Variants in USP10 observed in about 807,000 individuals in gnomAD.
The protein encoded by USP10 is ubiquitin specific peptidase 10.
USP10 carries 22 observed loss-of-function variants against 84.5 expected under a neutral mutation model. The observed-to-expected ratio is 0.26, with a 90% CI of 0.19 to 0.37. The LOEUF (loss-of-function observed/expected upper bound fraction) is 0.37, where lower values mean the gene tolerates loss of function less well. Ranked by LOEUF, USP10 falls within the 10% of genes least tolerant of loss-of-function variation. USP10 has a pLI of 1.00. For synonymous variants in USP10, 454 were observed against 387.6 expected (o/e 1.17, Z -2.01); for missense variants, 1,019 against 998.9 (o/e 1.02, Z -0.27).
intron 4 of USP10, among the ~76,000 whole-genome samples, chr16:84,749,365 G>T (rs1911631440): frequency 6.6e-6 from 1 of 152,204 alleles, no homozygotes; most frequent in Non-Finnish European, 1.5e-5. Context: ...TTATAATAGA[G>T]TTTGACTTGC....
intron 4 of USP10, among the ~76,000 whole-genome samples, chr16:84,756,520 G>A (rs1175842286): frequency 6.6e-6 from 1 of 152,146 alleles, no homozygotes; most frequent in Non-Finnish European, 1.5e-5. Flanking sequence ...TTGAACCCAG[G>A]ACACAGAGGT....
rs1271637958 is a variant in USP10 at position 84,759,894 on chromosome 16, T to C, written c.1398T>C (p.Val466=). Residue 466 remains valine, a synonymous_variant, in exon 7 of 14, where the codon GTT becomes GTC. Coordinates refer to ENST00000219473, the MANE Select transcript of USP10 (RefSeq NM_005153.3). ...CTSTPMIDSF[V]RLMNEFTNMP... ...AACATTTTTTCCCCATGTTTAGTGT[T>C]CGGCTAATGAATGAGTTCACTAATA... is the stretch of plus-strand genomic sequence containing the variant. 7 of 1,613,856 alleles carry C rather than the reference T, an allele frequency of 4.3e-6. No homozygotes were observed. In the South Asian group the frequency reaches 5.5e-5, roughly 13 times the overall value.
chr16:84,732,888 G>C (rs975712040), intron 1 of USP10, among the ~76,000 whole-genome samples: 4 of 152,188 alleles, frequency 2.6e-5, no homozygotes, highest in African/African-American at 9.7e-5. Context: ...AACAAGGGCT[G>C]TGTCTGTCTG....
chr16:84,731,283 C>CTTTT (rs531027465), intron 1 of USP10, among the ~76,000 whole-genome samples: 1 of 142,632 alleles, frequency 7.0e-6, no homozygotes, highest in African/African-American at 2.6e-5. Flanking sequence ...CCGGCCTCTA[C>CTTTT]TTTTTTTTTT....
At chr16:84,724,750 T>C (rs1026721959) in intron 1 of USP10, among the ~76,000 whole-genome samples, 1 of 152,220 alleles carries the variant, frequency 6.6e-6, no homozygotes, top group Non-Finnish European at 1.5e-5. Flanking sequence ...GTTCAAAGTT[T>C]TACTCTCGTA....
At chr16:84,723,762 C>T (rs2150782612) in intron 1 of USP10, among the ~76,000 whole-genome samples, 1 of 152,298 alleles carries the variant, frequency 6.6e-6, no homozygotes, top group South Asian at 2.1e-4. Context: ...GAATTTCACC[C>T]ATTTAAAGTG....
At chr16:84,711,599 C>G (rs1023983105) in intron 1 of USP10, among the ~76,000 whole-genome samples, 8 of 152,160 alleles carry the variant, frequency 5.3e-5, no homozygotes, top group African/African-American at 1.9e-4. Flanking sequence ...ACGCTTGGTT[C>G]TCTGTTGCTT....
intron 1 of USP10, among the ~76,000 whole-genome samples, chr16:84,720,783 C>T (rs1046127743): frequency 8.6e-5 from 13 of 151,114 alleles, no homozygotes; most frequent in African/African-American, 1.9e-4. Flanking sequence ...GGGGTTTCAC[C>T]GTATTAGCGG....
In USP10 at chr16:84,741,298, C is replaced by T. The variant is rs116372305; in HGVS notation, c.151+929C>T. On this transcript the variant is annotated intron_variant, in intron 3 of 13. Coordinates refer to ENST00000219473, the MANE Select transcript of USP10 (RefSeq NM_005153.3). The stretch of plus-strand genomic sequence containing the variant: ...AGGGAAAGAGCAGATCTAACAATAG[C>T]TTAGGACAAGTAATAAAATGAATGA... Among the ~76,000 whole-genome samples, 1,234 of 152,126 alleles carry T rather than the reference C, an allele frequency of 8.1e-3. 11 individuals are homozygous for T. The highest frequency in any genetic ancestry group is 0.028 in the African/African-American group (1,154 of 41,502).
chr16:84,727,357 A>G (rs1908629118), intron 1 of USP10, among the ~76,000 whole-genome samples: 1 of 152,196 alleles, frequency 6.6e-6, no homozygotes, highest in South Asian at 2.1e-4. Flanking sequence ...AGCCTTTGAA[A>G]TAAGTTAATC....
chr16:84,716,927 G>A (rs773303701), intron 1 of USP10, among the ~76,000 whole-genome samples: 2 of 152,196 alleles, frequency 1.3e-5, no homozygotes, highest in Non-Finnish European at 2.9e-5. Context: ...ACTTAAAATA[G>A]AAGTCCAGAG....
intron 4 of USP10, among the ~76,000 whole-genome samples, chr16:84,756,012 C>T (rs1912491569): frequency 6.6e-6 from 1 of 152,160 alleles, no homozygotes; most frequent in African/African-American, 2.4e-5. Flanking sequence ...TCTTCCTCAG[C>T]TTCCATTTGG....
chr16:84,700,634 G>GT (rs886447337), intron 1 of USP10, among the ~76,000 whole-genome samples: 69 of 152,254 alleles, frequency 4.5e-4, no homozygotes, highest in African/African-American at 1.6e-3. Flanking sequence ...CCGATTTTCT[G>GT]TTTTTTAGAT....
At chr16:84,707,431 GTATT>G (rs1406785791) in intron 1 of USP10, among the ~76,000 whole-genome samples, 1 of 152,146 alleles carries the variant, frequency 6.6e-6, no homozygotes, top group Non-Finnish European at 1.5e-5. Flanking sequence ...CAGCACAGAC[GTATT>G]TAAAGTGAAA....
chr16:84,722,518 G>A (rs1426550265), intron 1 of USP10, among the ~76,000 whole-genome samples: 1 of 152,202 alleles, frequency 6.6e-6, no homozygotes, highest in Non-Finnish European at 1.5e-5. Flanking sequence ...TGCACCAGCA[G>A]TGTATGAGAA....
intron 2 of USP10, among the ~76,000 whole-genome samples, chr16:84,735,269 A>G (rs950485082): frequency 1.3e-5 from 2 of 148,312 alleles, no homozygotes; most frequent in African/African-American, 5.0e-5. Flanking sequence ...GGGATTTTGT[A>G]TTTTTTCCCA....
At chr16:84,764,931 G>GAGAGAAAAAAA (rs11373757) in intron 10 of USP10, among the ~76,000 whole-genome samples, 622 of 39,222 alleles carry the variant, frequency 0.016, 3 homozygotes, top group East Asian at 0.049. Context: ...GAGAGAGAGA[G>GAGAGAAAAAAA]AAAAAAAAAT....
chr16:84,702,034 G>T (rs1192392872), intron 1 of USP10, among the ~76,000 whole-genome samples: 1 of 122,462 alleles, frequency 8.2e-6, no homozygotes, highest in African/African-American at 3.0e-5. Context: ...ATTTTGAGAT[G>T]GAGTTTCGCT....
intron 1 of USP10, among the ~76,000 whole-genome samples, chr16:84,732,745 G>A (rs532425390): frequency 1.3e-5 from 2 of 152,282 alleles, no homozygotes; most frequent in African/African-American, 4.8e-5. Context: ...ACTGCGCCAG[G>A]CCTCAATGAC....
Sources: allele counts gnomAD v4.1 joint callset (sites outside exome capture counted in the v4.1 genomes callset), GRCh38; gene constraint gnomAD v4.1.1; transcripts MANE v1.5; gene names NCBI Gene and HGNC (gene_info 2026-07-23, HGNC 2026-07-21).